Variants in OSTF1 observed in about 807,000 individuals in gnomAD.
The protein encoded by OSTF1 is osteoclast-stimulating factor 1.
In OSTF1, 27 loss-of-function variants were observed where a neutral mutation model predicts 37.2. The observed-to-expected ratio is 0.73, with a 90% confidence interval of 0.54 to 1.00. OSTF1 has a LOEUF of 1.00. OSTF1 is among the 50% of genes least tolerant of loss of function. The pLI is 0.00. For synonymous variants in OSTF1, 82 were observed against 89.2 expected (o/e 0.92, Z 0.46); for missense variants, 232 against 253.8 (o/e 0.91, Z 0.58).
chr9:75,115,672 T>G (rs1361785211), intron 1 of OSTF1, among the ~76,000 whole-genome samples: 3 of 151,168 alleles, frequency 2.0e-5, no homozygotes, highest in Non-Finnish European at 4.4e-5. Flanking sequence ...TGTTTTTTTT[T>G]GCTATCTATA....
intron 1 of OSTF1, among the ~76,000 whole-genome samples, chr9:75,106,977 GA>G (rs948136322): frequency 1.9e-5 from 2 of 105,376 alleles, no homozygotes; most frequent in African/African-American, 3.5e-5. Context: ...AAAAGAAAAA[GA>G]AAAAAAAAGA....
At chr9:75,131,302 A>G (rs560281844) in intron 4 of OSTF1, among the ~76,000 whole-genome samples, 1 of 152,348 alleles carries the variant, frequency 6.6e-6, no homozygotes, top group African/African-American at 2.4e-5. Context: ...TTCTTTCTGA[A>G]TACAGGAAGC....
intron 8 of OSTF1, 62 bp from the exon 9 acceptor site, chr9:75,140,772 A>G (rs1218332985): frequency 4.5e-6 from 5 of 1,112,242 alleles, no homozygotes; most frequent in Non-Finnish European, 5.3e-6. Context: ...GTGGGGAGAG[A>G]GGATTGGCTA....
At chr9:75,127,483 T>A in intron 2 of OSTF1, 86 bp from the exon 3 acceptor site, 4 of 720,838 alleles carry the variant, frequency 5.5e-6, no homozygotes, top group Non-Finnish European at 9.3e-6. Flanking sequence ...CATTGCTTAT[T>A]AGAATATGAT....
At chr9:75,124,621 TA>T (rs1825633306) in intron 2 of OSTF1, among the ~76,000 whole-genome samples, 1 of 152,230 alleles carries the variant, frequency 6.6e-6, no homozygotes, top group Admixed American at 6.5e-5. Context: ...TACCTCTGTC[TA>T]GTTCTAAAAC....
intron 2 of OSTF1, among the ~76,000 whole-genome samples, chr9:75,121,262 T>TAGAC (rs2118533198): frequency 6.6e-6 from 1 of 152,236 alleles, no homozygotes; most frequent in East Asian, 1.9e-4. Flanking sequence ...GTGGTTGCTA[T>TAGAC]ATTAATAGAC....
At position 75,146,854 on chromosome 9, in the gene OSTF1, A is replaced by G; in HGVS notation, c.*113A>G. The G allele has an allele frequency of 1.4e-6, 1 of 696,330 alleles. No homozygotes were observed. The highest frequency in any genetic ancestry group is 2.5e-6 in the Non-Finnish European group (1 of 405,236). 43.1% of individuals were successfully genotyped at this position (696,330 alleles called of 1,614,324 possible). On this transcript the variant is annotated 3_prime_UTR_variant, in exon 10 of 10. Transcript: ENST00000346234. ...AAAGAAAATTATATATGAACACGGC[A>G]GTGTTGCACTGTGTTTGAGTAGAAC...
At chr9:75,099,240 A>G (rs969204317) in intron 1 of OSTF1, among the ~76,000 whole-genome samples, 39 of 151,200 alleles carry the variant, frequency 2.6e-4, no homozygotes, top group African/African-American at 8.0e-4. Flanking sequence ...ACATTTATAT[A>G]TTTAAAGAAA....
At chr9:75,102,253 G>A (rs1825205905) in intron 1 of OSTF1, among the ~76,000 whole-genome samples, 1 of 152,210 alleles carries the variant, frequency 6.6e-6, no homozygotes, top group African/African-American at 2.4e-5. Context: ...GGGATTACAA[G>A]TGTGATCTAC....
chr9:75,090,636 A>G (rs1824955441), intron 1 of OSTF1, among the ~76,000 whole-genome samples: 1 of 152,076 alleles, frequency 6.6e-6, no homozygotes, highest in African/African-American at 2.4e-5. Flanking sequence ...ATTACTGCCA[A>G]TCAGAGTTGA....
chr9:75,104,239 T>C (rs898458799), intron 1 of OSTF1, among the ~76,000 whole-genome samples: 6 of 151,988 alleles, frequency 3.9e-5, no homozygotes, highest in African/African-American at 1.5e-4. Context: ...AGTGAGACCC[T>C]GTCTCAAACA....
At chr9:75,100,759 CT>C (rs1306119883) in intron 1 of OSTF1, among the ~76,000 whole-genome samples, 1 of 151,542 alleles carries the variant, frequency 6.6e-6, no homozygotes, top group East Asian at 1.9e-4. Flanking sequence ...TTCTGAGCAG[CT>C]GCAACCTCAG....
intron 1 of OSTF1, among the ~76,000 whole-genome samples, chr9:75,090,850 C>T (rs950120250): frequency 6.6e-6 from 1 of 152,184 alleles, no homozygotes; most frequent in African/African-American, 2.4e-5. Flanking sequence ...TATCGTAGTA[C>T]TGTCCCACAT....
chr9:75,136,547 T>C (rs7043098), intron 7 of OSTF1, among the ~76,000 whole-genome samples: 116,130 of 151,738 alleles, frequency 0.77, 44,615 homozygotes, highest in African/African-American at 0.81. Context: ...CCCATGCCAC[T>C]GGCCTGGCTT....
At chr9:75,097,856 T>TG (rs1193770075) in intron 1 of OSTF1, among the ~76,000 whole-genome samples, 2 of 151,658 alleles carry the variant, frequency 1.3e-5, no homozygotes, top group Non-Finnish European at 2.9e-5. Flanking sequence ...GCCTCAGTTT[T>TG]TTTTTTTTTT....
intron 7 of OSTF1, among the ~76,000 whole-genome samples, chr9:75,134,619 T>C (rs917818704): frequency 1.7e-4 from 26 of 152,214 alleles, no homozygotes; most frequent in African/African-American, 6.3e-4. Context: ...TACTTACCTT[T>C]GTGTTACTAA....
At chr9:75,128,477 CAT>C (rs10595014) in intron 3 of OSTF1, among the ~76,000 whole-genome samples, 283 of 3,336 alleles carry the variant, frequency 0.085, 64 homozygotes, top group Admixed American at 0.22. Flanking sequence ...ATATTTTGTC[CAT>C]ATATATATAT....
At chr9:75,111,551 C>T (rs1430908565) in intron 1 of OSTF1, among the ~76,000 whole-genome samples, 6 of 152,156 alleles carry the variant, frequency 3.9e-5, no homozygotes, top group African/African-American at 7.2e-5. Flanking sequence ...ATGCAAGGTT[C>T]ACCTAAAGCC....
chr9:75,098,083 C>G (rs1376087248), intron 1 of OSTF1, among the ~76,000 whole-genome samples: 1 of 152,128 alleles, frequency 6.6e-6, no homozygotes, highest in Non-Finnish European at 1.5e-5. Flanking sequence ...GTTTCTTCAT[C>G]TCATGCTAAA....
Sources: allele counts gnomAD v4.1 joint callset (sites outside exome capture counted in the v4.1 genomes callset), GRCh38; gene constraint gnomAD v4.1.1; transcripts MANE v1.5; gene names NCBI Gene and HGNC (gene_info 2026-07-23, HGNC 2026-07-21).